Variants in MYT1L observed in about 807,000 individuals in gnomAD.
MYT1L encodes the protein myelin transcription factor 1 like, also known as myelin transcription factor 1-like protein.
In MYT1L, 12 loss-of-function variants were observed where a neutral mutation model predicts 126.7. That is an observed-to-expected ratio of 0.09 (90% CI 0.06 to 0.15). The LOEUF is 0.15. Ranked by LOEUF, MYT1L falls within the 10% of genes least tolerant of loss-of-function variation. The pLI, the probability that MYT1L is intolerant of heterozygous loss-of-function variation, is 1.00. For missense variants in MYT1L, 979 were observed against 1,585.2 expected (o/e 0.62, Z 6.49); for synonymous variants, 541 against 604.2 (o/e 0.90, Z 1.53).
chr2:2,283,869 T>C (rs2095482395), intron 2 of MYT1L, among the ~76,000 whole-genome samples: 1 of 152,152 alleles, frequency 6.6e-6, no homozygotes, highest in Admixed American at 6.5e-5. Flanking sequence ...TGGCTACCTG[T>C]CCGACCTCCC....
chr2:2,139,169 C>T (rs536498206), intron 3 of MYT1L, among the ~76,000 whole-genome samples: 29 of 152,010 alleles, frequency 1.9e-4, no homozygotes, highest in Non-Finnish European at 3.5e-4. Context: ...AAGTGCATGG[C>T]GTCTCCTCCT....
intron 23 of MYT1L, among the ~76,000 whole-genome samples, chr2:1,795,321 C>A (rs1355229353): frequency 1.3e-5 from 2 of 152,204 alleles, no homozygotes; most frequent in African/African-American, 4.8e-5. Flanking sequence ...CCTTAGGGGC[C>A]CAGAGTAAAG....
chr2:2,092,484 T>C (rs985644550), intron 3 of MYT1L, among the ~76,000 whole-genome samples: 1 of 152,218 alleles, frequency 6.6e-6, no homozygotes, highest in Non-Finnish European at 1.5e-5. Context: ...GTTTGAAATA[T>C]TGTAAGAATT....
chr2:1,906,020 C>T (rs896858497), intron 13 of MYT1L, among the ~76,000 whole-genome samples: 2 of 152,174 alleles, frequency 1.3e-5, no homozygotes, highest in African/African-American at 4.8e-5. Flanking sequence ...TTACAGGTAA[C>T]AGGTTTAAAA....
chr2:2,237,883 G>C (rs866693807), intron 2 of MYT1L, among the ~76,000 whole-genome samples: 4 of 152,138 alleles, frequency 2.6e-5, no homozygotes, highest in African/African-American at 9.7e-5. Context: ...CTGGGACAGC[G>C]GTCACCTGCA....
At chr2:2,117,363 C>T (rs984349089) in intron 3 of MYT1L, among the ~76,000 whole-genome samples, 3 of 152,174 alleles carry the variant, frequency 2.0e-5, no homozygotes, top group African/African-American at 7.2e-5. Context: ...TCTGTGGACT[C>T]CGTCTGCATG....
chr2:1,996,870 G>C (rs1267449179), intron 5 of MYT1L, among the ~76,000 whole-genome samples: 1 of 122,784 alleles, frequency 8.1e-6, no homozygotes, highest in Admixed American at 9.1e-5. Flanking sequence ...AGTGAGGGCC[G>C]CCCTGCTTCA....
At chr2:2,166,313 C>T (rs1394767010) in intron 3 of MYT1L, among the ~76,000 whole-genome samples, 2 of 152,218 alleles carry the variant, frequency 1.3e-5, no homozygotes, top group Non-Finnish European at 2.9e-5. Flanking sequence ...TGGCCTCCCT[C>T]CCAGCCTCCA....
chr2:1,900,898 C>G (rs1002298087), intron 14 of MYT1L, among the ~76,000 whole-genome samples: 1 of 152,180 alleles, frequency 6.6e-6, no homozygotes, highest in Non-Finnish European at 1.5e-5. Flanking sequence ...AGGAGGGCCT[C>G]TGCCGGGAAT....
chr2:2,044,553 CT>C, intron 4 of MYT1L, among the ~76,000 whole-genome samples: 1 of 152,294 alleles, frequency 6.6e-6, no homozygotes, highest in Non-Finnish European at 1.5e-5. Flanking sequence ...AGAGTCTCTC[CT>C]CTTAGATGCA....
intron 18 of MYT1L, among the ~76,000 whole-genome samples, chr2:1,877,704 G>C (rs12466100): frequency 0.36 from 55,177 of 151,860 alleles, 11,888 homozygotes; most frequent in African/African-American, 0.6. Context: ...CGCGGCCATG[G>C]CTGTGAGCAG....
At chr2:2,175,141 C>T (rs540090607) in intron 2 of MYT1L, among the ~76,000 whole-genome samples, 5 of 152,152 alleles carry the variant, frequency 3.3e-5, no homozygotes, top group Admixed American at 3.3e-4. Flanking sequence ...TGAGAAGGGC[C>T]TCCACCGTGG....
At position 2,224,758 on chromosome 2, in the gene MYT1L, G is replaced by T. The variant is rs188968507; in HGVS notation, c.-420-51770C>A. On this transcript the variant is annotated intron_variant, in intron 2 of 24. Coordinates refer to ENST00000647738, the MANE Select transcript of MYT1L (RefSeq NM_001303052.2). This position sits in a 1 kb window ranked among gnomAD's most constrained non-coding sequence, Gnocchi z 4.0. ...GACATGAACCCGGGAGGCGGAGCTT[G>T]CAGGGAGCTGAGATTGAGCCACTGC... Among the ~76,000 whole-genome samples the T allele has an allele frequency of 5.9e-4, 90 of 151,974 alleles. No individual in the cohort carries two copies. Among genetic ancestry groups the T allele is most frequent in the African/African-American group, 2.1e-3 (88 of 41,436 alleles).
At chr2:1,808,940 G>C in intron 22 of MYT1L, 136 bp downstream of exon 22, 1 of 749,902 alleles carries the variant, frequency 1.3e-6, no homozygotes, top group Non-Finnish European at 2.2e-6. Flanking sequence ...CTTTATAGAT[G>C]AGAGGGCCAG....
At chr2:1,954,876 C>A (rs576191322) in intron 8 of MYT1L, among the ~76,000 whole-genome samples, 49 of 149,532 alleles carry the variant, frequency 3.3e-4, no homozygotes, top group African/African-American at 1.2e-3. Flanking sequence ...ACCAGCCAGG[C>A]CAAACATGGT....
At chr2:1,936,241 G>A (rs1053962246) in intron 9 of MYT1L, among the ~76,000 whole-genome samples, 2 of 152,216 alleles carry the variant, frequency 1.3e-5, no homozygotes, top group African/African-American at 4.8e-5. Context: ...CATCTTAAAT[G>A]TACATGGCAT....
At chr2:1,797,963 CTCCGGCACAGGCGCGGCGGTCTCCCCCCA>C (rs1558584140) in intron 23 of MYT1L, among the ~76,000 whole-genome samples, 34 of 32,454 alleles carry the variant, frequency 1.0e-3, no homozygotes, top group African/African-American at 2.7e-3. Context: ...TCTCCCCCTT[CTCCGGCACAGGCGCGGCGGTCTCCCCCCA>C]TCCGGCACAG....
At chr2:2,277,407 T>C (rs547731680) in intron 2 of MYT1L, among the ~76,000 whole-genome samples, 1 of 152,300 alleles carries the variant, frequency 6.6e-6, no homozygotes, top group East Asian at 1.9e-4. Flanking sequence ...CATCAAGTAA[T>C]GGATGACAGG....
At chr2:1,849,864 T>C (rs1453857390) in intron 19 of MYT1L, among the ~76,000 whole-genome samples, 1 of 152,156 alleles carries the variant, frequency 6.6e-6, no homozygotes, top group Non-Finnish European at 1.5e-5. Flanking sequence ...TCAGTGAGAT[T>C]TTAATGACAA....
Sources: allele counts gnomAD v4.1 joint callset (sites outside exome capture counted in the v4.1 genomes callset), GRCh38; gene constraint gnomAD v4.1.1; non-coding constraint Gnocchi (gnomAD v3.1); transcripts MANE v1.5; gene names NCBI Gene and HGNC (gene_info 2026-07-23, HGNC 2026-07-21).